The following COX7B2 variants were observed in gnomAD, a reference collection of about 807,000 sequenced individuals.
COX7B2 encodes cytochrome c oxidase subunit 7B2.
For synonymous variants in COX7B2, 37 were observed against 32.1 expected (o/e 1.15, Z -0.51); for missense variants, 109 against 95.9 (o/e 1.14, Z -0.57).
chr4:46,814,880 T>C (rs1268952918), intron 2 of COX7B2, among the ~76,000 whole-genome samples: 1 of 152,128 alleles, frequency 6.6e-6, no homozygotes, highest in Non-Finnish European at 1.5e-5. Flanking sequence ...AAATTAGATG[T>C]GGTTTAAGAA....
intron 2 of COX7B2, among the ~76,000 whole-genome samples, chr4:46,840,935 T>C (rs1350189655): frequency 1.3e-5 from 2 of 151,882 alleles, no homozygotes; most frequent in East Asian, 3.9e-4. Context: ...AATGAAGAAG[T>C]ACAGAAGGCT....
chr4:46,758,268 G>T (rs1315314655), intron 2 of COX7B2, among the ~76,000 whole-genome samples: 1 of 68,974 alleles, frequency 1.4e-5, no homozygotes, highest in Non-Finnish European at 3.1e-5. Context: ...TTCTAATGAG[G>T]TATAGAGCTA....
intron 1 of COX7B2, among the ~76,000 whole-genome samples, chr4:46,881,755 G>T (rs1044296705): frequency 6.6e-6 from 1 of 152,098 alleles, no homozygotes; most frequent in Admixed American, 6.6e-5. Flanking sequence ...AGGCATGTTT[G>T]CCCTAAGCAG....
chr4:46,906,080 C>T lies in COX7B2; in HGVS notation c.-105+3080G>A, dbSNP rs1034773029. 6.6e-5 allele frequency among the ~76,000 whole-genome samples: 10 copies of T among 152,090 alleles called. No homozygotes were observed. The East Asian group carries it at 1.7e-3, about 27-fold the overall frequency. On this transcript the variant is annotated intron_variant, in intron 1 of 2. Coordinates refer to ENST00000355591, the MANE Select transcript of COX7B2 (RefSeq NM_130902.3). ...TCCTGACCTCATGATCCACCCGCCT[C>T]GGCCTCCCAAAGTGCTGGGGTTACA...
intron 2 of COX7B2, among the ~76,000 whole-genome samples, chr4:46,840,354 G>GT (rs1041147606): frequency 1.3e-4 from 19 of 151,960 alleles, no homozygotes; most frequent in Admixed American, 3.3e-4. Context: ...GGGGACTTCT[G>GT]TATTTGTTTT....
chr4:46,768,063 GTGC>G (rs1000482909), intron 2 of COX7B2, among the ~76,000 whole-genome samples: 2 of 152,352 alleles, frequency 1.3e-5, no homozygotes, highest in South Asian at 2.1e-4. Flanking sequence ...CAAATGGCGT[GTGC>G]TACAGCATGC....
Position 46,834,490 on chromosome 4 carries a change from C to T in COX7B2, c.-50+10470G>A, listed in dbSNP as rs556121345. On this transcript the variant is annotated intron_variant, in intron 2 of 2. Transcript: ENST00000355591. ...ATTTGGAAATTGTGTATAGGATAAA[C>T]ATGGCATAGCAAATTCACGTAAAAA... 1.8e-4 allele frequency among the ~76,000 whole-genome samples: 27 copies of T among 152,174 alleles called. No individual in the cohort carries two copies. The South Asian group carries it at 3.7e-3, about 21-fold the overall frequency.
At chr4:46,882,257 A>C (rs984312059) in intron 1 of COX7B2, among the ~76,000 whole-genome samples, 2 of 152,138 alleles carry the variant, frequency 1.3e-5, no homozygotes, top group African/African-American at 4.8e-5. Flanking sequence ...CGACGAGAAG[A>C]ATGTGTATTC....
intron 1 of COX7B2, among the ~76,000 whole-genome samples, chr4:46,852,334 C>T (rs1349161287): frequency 3.3e-5 from 5 of 151,980 alleles, no homozygotes; most frequent in Admixed American, 1.3e-4. Context: ...TTTCTCATTT[C>T]GCACTTTCTT....
chr4:46,890,120 C>A (rs2109868559), intron 1 of COX7B2, among the ~76,000 whole-genome samples: 1 of 152,222 alleles, frequency 6.6e-6, no homozygotes, highest in East Asian at 1.9e-4. Flanking sequence ...CAGGCTTAAG[C>A]TCCCACTGAG....
intron 1 of COX7B2, among the ~76,000 whole-genome samples, chr4:46,905,601 A>ATT (rs1044391035): frequency 6.6e-5 from 10 of 152,214 alleles, no homozygotes; most frequent in African/African-American, 2.4e-4. Context: ...AGAGAATGAC[A>ATT]TTTGAGACAT....
At chr4:46,830,002 A>G (rs1560407449) in intron 2 of COX7B2, among the ~76,000 whole-genome samples, 2 of 152,198 alleles carry the variant, frequency 1.3e-5, no homozygotes, top group Admixed American at 1.3e-4. Context: ...ATTAGAGATA[A>G]CAAGAACCTG....
chr4:46,859,627 C>A (rs1717219614), intron 1 of COX7B2, among the ~76,000 whole-genome samples: 1 of 152,136 alleles, frequency 6.6e-6, no homozygotes, highest in Non-Finnish European at 1.5e-5. Context: ...ACCTTGAGAT[C>A]AGAGACTGGC....
chr4:46,767,583 G>A (rs1716618842), intron 2 of COX7B2, among the ~76,000 whole-genome samples: 1 of 151,928 alleles, frequency 6.6e-6, no homozygotes, highest in South Asian at 2.1e-4. Context: ...CATTCTCCAG[G>A]TTAGATATTA....
intron 1 of COX7B2, among the ~76,000 whole-genome samples, chr4:46,889,204 A>T (rs997914126): frequency 2.0e-5 from 3 of 152,246 alleles, no homozygotes; most frequent in African/African-American, 7.2e-5. Flanking sequence ...AACCACCTTT[A>T]TAGATGGTTC....
chr4:46,780,140 A>G (rs2109547615), intron 2 of COX7B2, among the ~76,000 whole-genome samples: 1 of 152,312 alleles, frequency 6.6e-6, no homozygotes, highest in East Asian at 1.9e-4. Flanking sequence ...TTCAATGACT[A>G]ATCCAGGGTT....
chr4:46,881,078 T>C (rs1254830612), intron 1 of COX7B2, among the ~76,000 whole-genome samples: 2 of 152,112 alleles, frequency 1.3e-5, no homozygotes, highest in Non-Finnish European at 2.9e-5. Context: ...CAGCTCTAAT[T>C]TTTGTTATTT....
chr4:46,790,300 T>C (rs1717971206), intron 2 of COX7B2, among the ~76,000 whole-genome samples: 1 of 152,192 alleles, frequency 6.6e-6, no homozygotes, highest in African/African-American at 2.4e-5. Context: ...CTAAATGTAT[T>C]TGGTTTCATT....
At chr4:46,853,994 ACT>A (rs1424945502) in intron 1 of COX7B2, among the ~76,000 whole-genome samples, 1 of 152,174 alleles carries the variant, frequency 6.6e-6, no homozygotes, top group African/African-American at 2.4e-5. Flanking sequence ...GTGAAGGTTA[ACT>A]CTGTTTCTTT....
Sources: allele counts gnomAD v4.1 joint callset (sites outside exome capture counted in the v4.1 genomes callset), GRCh38; gene constraint gnomAD v4.1.1; transcripts MANE v1.5; gene names NCBI Gene and HGNC (gene_info 2026-07-23, HGNC 2026-07-21).